The following EDC3 variants were observed in gnomAD, a reference collection of about 807,000 sequenced individuals.
The protein encoded by EDC3 is enhancer of mRNA-decapping protein 3.
EDC3 carries 20 observed loss-of-function variants against 41.8 expected under a neutral mutation model. The ratio of observed to expected loss-of-function variants is 0.48; its 90% CI spans 0.34 to 0.70. The LOEUF (loss-of-function observed/expected upper bound fraction) is 0.70. EDC3 is among the 30% of genes least tolerant of loss of function. The pLI is 0.01. For missense variants in EDC3, 444 were observed against 636.8 expected (o/e 0.70, Z 3.26); for synonymous variants, 206 against 243.2 (o/e 0.85, Z 1.42).
intron 1 of EDC3, among the ~76,000 whole-genome samples, chr15:74,691,419 T>C (rs1223779494): frequency 6.6e-6 from 1 of 152,258 alleles, no homozygotes; most frequent in Non-Finnish European, 1.5e-5. Context: ...TTAGTTCAAA[T>C]GTCTCCTTTT....
At chr15:74,651,147 T>C (rs1315540939) in intron 4 of EDC3, among the ~76,000 whole-genome samples, 1 of 152,264 alleles carries the variant, frequency 6.6e-6, no homozygotes, top group Non-Finnish European at 1.5e-5. Flanking sequence ...ACACATCTAG[T>C]GTTTTATATT....
chr15:74,654,588 C>T lies in EDC3; in HGVS notation c.820+1145G>A, dbSNP rs534373761. 3.3e-5 allele frequency among the ~76,000 whole-genome samples: 5 copies of T among 152,250 alleles called. No homozygotes were observed. In the East Asian group the frequency reaches 7.7e-4, roughly 23 times the overall value. On this transcript the variant is annotated intron_variant, in intron 4 of 6. Transcript: ENST00000315127. ...GCAAGTTACAGTGTCACTGTCACTGCCACTTAAGGAAACCACCTTAATAAA... is the reference window on the plus strand; with the variant it reads ...GCAAGTTACAGTGTCACTGTCACTGTCACTTAAGGAAACCACCTTAATAAA...
chr15:74,676,488 G>T (rs562989198), intron 1 of EDC3, among the ~76,000 whole-genome samples: 1 of 151,876 alleles, frequency 6.6e-6, no homozygotes, highest in South Asian at 2.1e-4. Flanking sequence ...AAAGAAAAAA[G>T]ATAAAACACA....
At chr15:74,639,960 CAGA>C (rs1323715681) in intron 5 of EDC3, 1 of 153,868 alleles carries the variant, frequency 6.5e-6, no homozygotes, top group African/African-American at 2.4e-5. Flanking sequence ...CGGTGTCTAG[CAGA>C]AGGTCTGGCA....
chr15:74,675,363 C>T (rs2062791944), intron 1 of EDC3, among the ~76,000 whole-genome samples: 1 of 151,522 alleles, frequency 6.6e-6, no homozygotes, highest in South Asian at 2.1e-4. Flanking sequence ...CTTATAATTG[C>T]TTTAAAGCGC....
chr15:74,650,806 T>C (rs918238067), intron 4 of EDC3, among the ~76,000 whole-genome samples: 4 of 152,132 alleles, frequency 2.6e-5, no homozygotes, highest in African/African-American at 9.7e-5. Context: ...GAGACCAGCC[T>C]GGCCAATATG....
At chr15:74,693,914 C>T (rs1215855668) in intron 1 of EDC3, among the ~76,000 whole-genome samples, 1 of 151,828 alleles carries the variant, frequency 6.6e-6, no homozygotes, top group Non-Finnish European at 1.5e-5. Flanking sequence ...AACCAGGAGG[C>T]AGAGGTTACA....
intron 1 of EDC3, among the ~76,000 whole-genome samples, chr15:74,686,257 G>A (rs748075082): frequency 3.3e-5 from 5 of 152,120 alleles, no homozygotes; most frequent in East Asian, 1.9e-4. Context: ...CCCGGGAGGC[G>A]GAGGATGCAG....
At chr15:74,680,314 A>G (rs945824270) in intron 1 of EDC3, among the ~76,000 whole-genome samples, 5 of 150,830 alleles carry the variant, frequency 3.3e-5, no homozygotes, top group African/African-American at 2.4e-5. Context: ...GGTGGAGTTT[A>G]TTCCAAGGAT....
intron 2 of EDC3, among the ~76,000 whole-genome samples, chr15:74,672,269 A>T (rs1175222930): frequency 3.6e-4 from 1 of 2,750 alleles, no homozygotes; most frequent in African/African-American, 1.7e-3. Flanking sequence ...ACTCTGTCTC[A>T]AAAAAAAAAA....
At chr15:74,645,568 G>T in intron 4 of EDC3, among the ~76,000 whole-genome samples, 1 of 140,476 alleles carries the variant, frequency 7.1e-6, no homozygotes. Flanking sequence ...AAAAGTTGGG[G>T]GGGGGGGGGT....
At chr15:74,635,260 T>C (rs2062257419) in intron 6 of EDC3, 149 bp downstream of exon 6, 1 of 739,140 alleles carries the variant, frequency 1.4e-6, no homozygotes, top group Non-Finnish European at 2.4e-6. Flanking sequence ...TGGGAAGTAG[T>C]ATATTACTGT....
At chr15:74,674,932 G>C in intron 2 of EDC3, 29 bp downstream of exon 2, 1 of 1,612,898 alleles carries the variant, frequency 6.2e-7, no homozygotes, top group African/African-American at 1.3e-5. Flanking sequence ...CACCAGGTTG[G>C]ATTCAGAAGA....
intron 4 of EDC3, chr15:74,640,898 C>T (rs1317818405): frequency 2.3e-6 from 1 of 435,870 alleles, no homozygotes; most frequent in African/African-American, 2.0e-5. Context: ...CCAAATCTAC[C>T]AGGATATATT....
chr15:74,673,576 C>T (rs530275403), intron 2 of EDC3, among the ~76,000 whole-genome samples: 5 of 152,082 alleles, frequency 3.3e-5, no homozygotes, highest in African/African-American at 7.2e-5. Context: ...GTGGCTCACA[C>T]CTGTAATCCC....
At chr15:74,677,585 G>A (rs1380287256) in intron 1 of EDC3, among the ~76,000 whole-genome samples, 1 of 151,836 alleles carries the variant, frequency 6.6e-6, no homozygotes, top group South Asian at 2.1e-4. Context: ...TGCCCAGGCT[G>A]GTCTCGAACT....
chr15:74,646,647 A>G (rs573511693), intron 4 of EDC3, among the ~76,000 whole-genome samples: 110 of 152,328 alleles, frequency 7.2e-4, no homozygotes, highest in African/African-American at 2.4e-3. Flanking sequence ...GTGCAGATGA[A>G]TATGTCCCTG....
At chr15:74,645,887 G>T (rs900124465) in intron 4 of EDC3, among the ~76,000 whole-genome samples, 4 of 151,696 alleles carry the variant, frequency 2.6e-5, no homozygotes, top group Non-Finnish European at 4.4e-5. Context: ...AAAAGAGTTG[G>T]GAAGGAAAAA....
chr15:74,636,700 T>C (rs2062277764), intron 5 of EDC3: 1 of 152,242 alleles, frequency 6.6e-6, no homozygotes, highest in Non-Finnish European at 1.5e-5. Flanking sequence ...AGGAGCTTCA[T>C]AACTGCCCCC....
Sources: gnomAD v4.1 joint callset for allele counts (sites outside exome capture counted in the v4.1 genomes callset) on GRCh38, gnomAD v4.1.1 for gene constraint, MANE v1.5 for transcripts, NCBI Gene and HGNC (gene_info 2026-07-23, HGNC 2026-07-21) for gene names.